The following SEMA3E variants were observed in gnomAD, a reference collection of about 807,000 sequenced individuals.
SEMA3E encodes semaphorin-3E.
SEMA3E carries 49 observed loss-of-function variants against 93.6 expected under a neutral mutation model. The observed-to-expected ratio is 0.52, with a 90% confidence interval of 0.42 to 0.66. The LOEUF is 0.66. Ranked by LOEUF, SEMA3E falls within the 30% of genes least tolerant of loss-of-function variation. The pLI is 0.00. For missense variants in SEMA3E, 906 were observed against 964.8 expected, an observed-to-expected ratio of 0.94 and a Z score of 0.81; for synonymous variants, 363 against 330.7, an observed-to-expected ratio of 1.10 and a Z score of -1.06.
At chr7:83,428,316 A>G (rs2115733386) in intron 4 of SEMA3E, among the ~76,000 whole-genome samples, 1 of 152,360 alleles carries the variant, frequency 6.6e-6, no homozygotes, top group East Asian at 1.9e-4. Flanking sequence ...ATATGCTAGA[A>G]GTCAACTAGA....
chr7:83,585,627 A>G (rs1046029027), intron 1 of SEMA3E, among the ~76,000 whole-genome samples: 2 of 152,192 alleles, frequency 1.3e-5, no homozygotes, highest in African/African-American at 4.8e-5. Context: ...TTAACAATTT[A>G]TATACATTTC....
At chr7:83,387,396 G>A (rs1207488934) in intron 14 of SEMA3E, among the ~76,000 whole-genome samples, 1 of 152,236 alleles carries the variant, frequency 6.6e-6, no homozygotes, top group Admixed American at 6.6e-5. Context: ...AGCAGATAAA[G>A]ACAATGGGAT....
rs1157801830 is a variant in SEMA3E at position 83,454,257 on chromosome 7, C to CAAAAA, written c.456+12220_456+12224dup. 6.7e-3 allele frequency among the ~76,000 whole-genome samples: 302 copies of CAAAAA among 44,798 alleles called. 2 individuals carry two copies. Among genetic ancestry groups the CAAAAA allele is most frequent in the African/African-American group, 0.023 (290 of 12,374 alleles). 29.4% of individuals were successfully genotyped at this position (44,798 alleles called of 152,430 possible). A position where few individuals can be genotyped will look rare whatever the true frequency, so the allele number is the denominator to read the frequency against. ...TGGGCGACAGAGCAAGACTCCGACT[C>CAAAAA]AAAAAAAAAAAAAAAATATATATAT... On this transcript the variant is annotated intron_variant, in intron 4 of 16. Coordinates refer to ENST00000643230, the MANE Select transcript of SEMA3E (RefSeq NM_012431.3).
At chr7:83,578,441 A>G (rs543656202) in intron 1 of SEMA3E, among the ~76,000 whole-genome samples, 53 of 152,220 alleles carry the variant, frequency 3.5e-4, no homozygotes, top group Non-Finnish European at 6.2e-4. Flanking sequence ...CTGTAATCCC[A>G]GCTAATCGGG....
chr7:83,389,580 C>T (rs1198111518), intron 14 of SEMA3E, among the ~76,000 whole-genome samples: 2 of 151,578 alleles, frequency 1.3e-5, no homozygotes, highest in African/African-American at 4.8e-5. Flanking sequence ...TTTCAGTATA[C>T]ATATATACAT....
intron 2 of SEMA3E, among the ~76,000 whole-genome samples, chr7:83,483,056 T>C (rs973072503): frequency 2.6e-5 from 4 of 151,746 alleles, no homozygotes; most frequent in African/African-American, 9.7e-5. Context: ...GTGAAAATTA[T>C]GGATCAGGAG....
chr7:83,544,741 G>C (rs1791610552), intron 1 of SEMA3E, among the ~76,000 whole-genome samples: 1 of 152,038 alleles, frequency 6.6e-6, no homozygotes, highest in Non-Finnish European at 1.5e-5. Context: ...TCTAAGCCTT[G>C]AAGTTGGCAT....
intron 1 of SEMA3E, among the ~76,000 whole-genome samples, chr7:83,492,064 T>C (rs1471378037): frequency 1.3e-5 from 2 of 152,048 alleles, no homozygotes; most frequent in African/African-American, 2.4e-5. Context: ...GTTATTCCAA[T>C]AGTTTGCAAC....
chr7:83,602,219 G>A (rs547840447), intron 1 of SEMA3E, among the ~76,000 whole-genome samples: 29 of 152,244 alleles, frequency 1.9e-4, no homozygotes, highest in African/African-American at 5.8e-4. Context: ...TCTAATCATA[G>A]GGAGTCACAA....
intron 1 of SEMA3E, among the ~76,000 whole-genome samples, chr7:83,572,685 C>T (rs147391584): frequency 1.2e-3 from 179 of 151,840 alleles, no homozygotes; most frequent in African/African-American, 4.1e-3. Context: ...GATACATAGA[C>T]TAATGGAACA....
Position 83,387,136 on chromosome 7 carries a change from A to G in SEMA3E, c.1668-86T>C, listed in dbSNP as rs1584209422. On this transcript the variant is annotated intron_variant, in intron 14 of 16. Transcript: ENST00000643230. Reference sequence around the variant, plus strand: ...AGCCAATTGCATTTCATATACAAGTAGTATTCTGCTACTGAAAAAAATGAT... The same window carrying G: ...AGCCAATTGCATTTCATATACAAGTGGTATTCTGCTACTGAAAAAAATGAT... The G allele has an allele frequency of 2.8e-6, 3 of 1,054,528 alleles. No homozygotes were observed. In the South Asian group the frequency reaches 4.0e-5, roughly 14 times the overall value. The allele number at this position is 1,054,528 out of a possible 1,614,324, so 65.3% of individuals were successfully genotyped here.
At chr7:83,385,156 A>C in intron 16 of SEMA3E, 138 bp downstream of exon 16, 1 of 766,592 alleles carries the variant, frequency 1.3e-6, no homozygotes. Context: ...CACACATAAC[A>C]AATAAAACTG....
chr7:83,638,904 G>A (rs1314850661), intron 1 of SEMA3E, among the ~76,000 whole-genome samples: 4 of 151,594 alleles, frequency 2.6e-5, no homozygotes, highest in African/African-American at 9.7e-5. Context: ...GAGGTCAGGA[G>A]ATCGAGACCA....
At chr7:83,645,026 A>G (rs572578225) in intron 1 of SEMA3E, among the ~76,000 whole-genome samples, 2 of 152,052 alleles carry the variant, frequency 1.3e-5, no homozygotes, top group South Asian at 4.1e-4. Flanking sequence ...GGGGCTTTCC[A>G]TGTACATCGG....
intron 16 of SEMA3E, 70 bp from the exon 17 acceptor site, chr7:83,368,108 A>C: frequency 7.2e-7 from 1 of 1,381,916 alleles, no homozygotes; most frequent in Non-Finnish European, 1.0e-6. Flanking sequence ...CACCCTTTCC[A>C]CTACCTATCT....
At chr7:83,482,369 A>G (rs1304437915) in intron 2 of SEMA3E, among the ~76,000 whole-genome samples, 1 of 151,992 alleles carries the variant, frequency 6.6e-6, no homozygotes, top group African/African-American at 2.4e-5. Context: ...GATTGAGACC[A>G]TCCCAGCTAA....
chr7:83,401,978 A>G (rs1788241476), intron 10 of SEMA3E, among the ~76,000 whole-genome samples: 1 of 152,078 alleles, frequency 6.6e-6, no homozygotes, highest in South Asian at 2.1e-4. Flanking sequence ...TGTGTGCTAA[A>G]AGCACAAAAG....
intron 4 of SEMA3E, among the ~76,000 whole-genome samples, chr7:83,423,961 AATGT>A (rs1788720838): frequency 6.6e-6 from 1 of 152,190 alleles, no homozygotes; most frequent in South Asian, 2.1e-4. Flanking sequence ...CAAAAAATAA[AATGT>A]ATGTTTTTTG....
Position 83,385,334 on chromosome 7 carries a change from AT to A in SEMA3E, c.1834del (p.Ile612SerfsTer15). ...CTCACGTCCTTTCTGTACAAACCAGATAACTTTCGCTTGTAAAGATCGTGGG... is the reference window on the plus strand; with the variant it reads ...CTCACGTCCTTTCTGTACAAACCAGAAACTTTCGCTTGTAAAGATCGTGGG... ...CTPRSLQAKV[I>X]WFVQKGRETR... On this transcript the variant is annotated frameshift_variant, in exon 16 of 17. Coordinates refer to ENST00000643230, the MANE Select transcript of SEMA3E (RefSeq NM_012431.3). LOFTEE classifies it high-confidence loss of function. The A allele has an allele frequency of 1.2e-6, 2 of 1,613,522 alleles. No homozygotes were observed. The highest frequency in any genetic ancestry group is 2.2e-5 in the South Asian group (2 of 91,078).
Sources: allele counts gnomAD v4.1 joint callset (sites outside exome capture counted in the v4.1 genomes callset), GRCh38; gene constraint gnomAD v4.1.1; transcripts MANE v1.5; gene names NCBI Gene and HGNC (gene_info 2026-07-23, HGNC 2026-07-21).